EYS: variants seen among roughly 807,000 people sequenced by gnomAD.
The protein encoded by EYS is EGF-like photoreceptor maintenance factor.
A neutral mutation model predicts 282.1 loss-of-function variants in EYS; 250 were observed. That is an observed-to-expected ratio of 0.89 (90% confidence interval 0.80 to 0.98). EYS has a LOEUF of 0.98. Among genes scored for constraint, EYS ranks in the 50% least tolerant of loss-of-function variants. The pLI is 0.00. For synonymous variants in EYS, 1,355 were observed against 1,282.9 expected (o/e 1.06, Z -1.20); for missense variants, 4,016 against 3,709.0 (o/e 1.08, Z -2.15).
intron 35 of EYS, among the ~76,000 whole-genome samples, chr6:63,935,711 T>C (rs912006007): frequency 6.6e-6 from 1 of 152,230 alleles, no homozygotes; most frequent in Admixed American, 6.5e-5. Context: ...CCTACAAAAC[T>C]GTGAGAAAAG....
chr6:65,513,310 C>T (rs1766973153), intron 2 of EYS, among the ~76,000 whole-genome samples: 1 of 151,950 alleles, frequency 6.6e-6, no homozygotes, highest in Admixed American at 6.6e-5. Flanking sequence ...AGCTTACCAA[C>T]CAAAAAGAGT....
At chr6:65,044,460 A>C (rs931491687) in intron 13 of EYS, among the ~76,000 whole-genome samples, 2 of 151,616 alleles carry the variant, frequency 1.3e-5, no homozygotes. Flanking sequence ...TGCCCAATCC[A>C]ATTTTGTGGA....
At chr6:64,484,221 G>A (rs1237451343) in intron 26 of EYS, among the ~76,000 whole-genome samples, 1 of 151,546 alleles carries the variant, frequency 6.6e-6, no homozygotes, top group African/African-American at 2.4e-5. Context: ...AAAAGAGATT[G>A]CCTCTAATTT....
intron 12 of EYS, among the ~76,000 whole-genome samples, chr6:65,254,506 CT>C (rs1767409199): frequency 6.6e-6 from 1 of 151,774 alleles, no homozygotes; most frequent in Non-Finnish European, 1.5e-5. Context: ...TGATAAATAA[CT>C]TTCTAAATTT....
chr6:64,075,406 T>A (rs2149863116), intron 32 of EYS, among the ~76,000 whole-genome samples: 1 of 152,088 alleles, frequency 6.6e-6, no homozygotes. Flanking sequence ...TTCAGGCCAA[T>A]TTCTGAAATT....
intron 28 of EYS, among the ~76,000 whole-genome samples, chr6:64,434,702 C>G (rs769159408): frequency 1.2e-4 from 18 of 152,018 alleles, no homozygotes; most frequent in Non-Finnish European, 1.8e-4. Context: ...ATCTCCCTGT[C>G]TCTCAGTTTT....
chr6:63,742,639 T>C (rs1369334508), intron 41 of EYS, among the ~76,000 whole-genome samples: 1 of 152,172 alleles, frequency 6.6e-6, no homozygotes, highest in Non-Finnish European at 1.5e-5. Context: ...AACCCCTTTT[T>C]TCAGAACCAG....
At chr6:63,988,007 AT>A (rs1227556858) in intron 34 of EYS, among the ~76,000 whole-genome samples, 1 of 151,340 alleles carries the variant, frequency 6.6e-6, no homozygotes, top group African/African-American at 2.4e-5. Context: ...GGTGTCTTTA[AT>A]TTTTTTTCCT....
chr6:64,311,679 T>C lies in EYS; in HGVS notation c.6079-4597A>G, dbSNP rs138017627. On this transcript the variant is annotated intron_variant, in intron 29 of 42. Transcript: ENST00000503581. ...TGCATTTCCAAATGAGGTACCTAGT[T>C]CATCTCATTGGGACTGGTTGGACAG... 6.6e-3 allele frequency among the ~76,000 whole-genome samples: 1,001 copies of C among 152,294 alleles called. 9 individuals are homozygous for C. The highest frequency in any genetic ancestry group is 0.023 in the African/African-American group (950 of 41,564).
At chr6:65,284,703 C>T (rs1460150277) in intron 12 of EYS, among the ~76,000 whole-genome samples, 1 of 151,958 alleles carries the variant, frequency 6.6e-6, no homozygotes, top group Non-Finnish European at 1.5e-5. Context: ...TACTTGATAC[C>T]TTATGCCAAG....
At chr6:64,146,161 T>C (rs893512123) in intron 31 of EYS, among the ~76,000 whole-genome samples, 1 of 152,164 alleles carries the variant, frequency 6.6e-6, no homozygotes, top group Non-Finnish European at 1.5e-5. Context: ...GTTATATTTA[T>C]GAGATTCACA....
At chr6:64,348,353 T>C (rs1224322206) in intron 29 of EYS, among the ~76,000 whole-genome samples, 1 of 151,508 alleles carries the variant, frequency 6.6e-6, no homozygotes, top group African/African-American at 2.4e-5. Flanking sequence ...AAAGAGATAA[T>C]GTTGGATTTT....
chr6:65,079,889 G>C (rs1008734269), intron 12 of EYS, among the ~76,000 whole-genome samples: 1 of 152,042 alleles, frequency 6.6e-6, no homozygotes, highest in East Asian at 1.9e-4. Flanking sequence ...CAGAAAATTT[G>C]ATGGGGCTTG....
chr6:64,974,457 T>C (rs1004831610), intron 14 of EYS, among the ~76,000 whole-genome samples: 3 of 151,806 alleles, frequency 2.0e-5, no homozygotes, highest in East Asian at 1.9e-4. Flanking sequence ...GACTATCTAG[T>C]AATGGCCTCC....
chr6:64,196,274 G>A (rs960140241), intron 31 of EYS, among the ~76,000 whole-genome samples: 8 of 152,186 alleles, frequency 5.3e-5, no homozygotes. Flanking sequence ...GGAGAAATAG[G>A]AACGCTTTTA....
At chr6:64,061,451 TGTAG>T (rs1771168406) in intron 33 of EYS, among the ~76,000 whole-genome samples, 1 of 152,206 alleles carries the variant, frequency 6.6e-6, no homozygotes, top group Non-Finnish European at 1.5e-5. Context: ...ACAGTGTACC[TGTAG>T]AACTGTGATC....
At chr6:65,411,509 G>T (rs1025049215) in intron 5 of EYS, among the ~76,000 whole-genome samples, 1 of 152,000 alleles carries the variant, frequency 6.6e-6, no homozygotes, top group Non-Finnish European at 1.5e-5. Context: ...TAATATTTGG[G>T]TATAGTTCTA....
chr6:65,558,423 AGCAGGCACTTACGAACCT>A (rs1426497992), intron 2 of EYS, among the ~76,000 whole-genome samples: 1 of 152,224 alleles, frequency 6.6e-6, no homozygotes, highest in African/African-American at 2.4e-5. Flanking sequence ...AGAGACCAGG[AGCAGGCACTTACGAACCT>A]GCAGGGGCAG....
intron 2 of EYS, among the ~76,000 whole-genome samples, chr6:65,613,174 G>C (rs535949826): frequency 6.6e-6 from 1 of 151,722 alleles, no homozygotes; most frequent in Non-Finnish European, 1.5e-5. Context: ...GAATATAACA[G>C]TACATGCAAA....
Sources: gnomAD v4.1 joint callset for allele counts (sites outside exome capture counted in the v4.1 genomes callset) on GRCh38, gnomAD v4.1.1 for gene constraint, MANE v1.5 for transcripts, NCBI Gene and HGNC (gene_info 2026-07-23, HGNC 2026-07-21) for gene names.